The following AGO2 variants were observed in gnomAD, a reference collection of about 807,000 sequenced individuals.
The protein encoded by AGO2 is argonaute RISC catalytic component 2.
A neutral mutation model predicts 102.3 loss-of-function variants in AGO2; 5 were observed. That is an observed-to-expected ratio of 0.05 (90% confidence interval 0.03 to 0.10). AGO2 has a LOEUF of 0.10. Ranked by LOEUF, AGO2 falls within the 10% of genes least tolerant of loss-of-function variation. The pLI is 1.00. For missense variants in AGO2, 541 were observed against 1,183.7 expected (o/e 0.46, Z 7.97); for synonymous variants, 449 against 473.1 (o/e 0.95, Z 0.66).
intron 7 of AGO2, 145 bp downstream of exon 7, chr8:140,558,340 C>CATG (rs1196579474): frequency 2.5e-6 from 2 of 815,122 alleles, no homozygotes; most frequent in Non-Finnish European, 4.1e-6. Flanking sequence ...TCTACTGAGC[C>CATG]ATGTAAGGGA....
Position 140,624,041 on chromosome 8 carries a change from G to A in AGO2, c.22+11444C>T, listed in dbSNP as rs576608411. 3.9e-4 allele frequency among the ~76,000 whole-genome samples: 59 copies of A among 152,232 alleles called. No individual in the cohort carries two copies. In the South Asian group the frequency reaches 0.012, roughly 30 times the overall value. Reference sequence around the variant, plus strand: ...GAGCCCACCATAGGGCGAGATGCACGGGGAGCCAGGAAGGTGCAGGGCGAG... The same window carrying A: ...GAGCCCACCATAGGGCGAGATGCACAGGGAGCCAGGAAGGTGCAGGGCGAG... On this transcript the variant is annotated intron_variant, in intron 1 of 18. Coordinates refer to ENST00000220592, the MANE Select transcript of AGO2 (RefSeq NM_012154.5).
intron 17 of AGO2, among the ~76,000 whole-genome samples, chr8:140,533,190 C>T (rs1187623787): frequency 1.3e-5 from 2 of 149,220 alleles, no homozygotes; most frequent in Admixed American, 6.7e-5. Flanking sequence ...GAGATCGAGA[C>T]CATCCTGGCT....
In AGO2 at chr8:140,521,167, A is replaced by G. The variant is rs1378519559; in HGVS notation, c.*10877T>C. On this transcript the variant is annotated 3_prime_UTR_variant, in exon 19 of 19. Transcript: ENST00000220592. ...GTCCTCTCGTTAGGTTAAAAACACAATGCGTCCTGGGGAGCCAATTGCCCG... is the reference window on the plus strand; with the variant it reads ...GTCCTCTCGTTAGGTTAAAAACACAGTGCGTCCTGGGGAGCCAATTGCCCG... The G allele has an allele frequency of 6.6e-6, 1 of 152,246 alleles. No homozygotes were observed. Among genetic ancestry groups the G allele is most frequent in the East Asian group, 1.9e-4 (1 of 5,200 alleles). 9.4% of individuals were successfully genotyped at this position (152,246 alleles called of 1,614,324 possible).
rs888598730 is a variant in AGO2, at chr8:140,526,921, C to A, written c.*5123G>T. On this transcript the variant is annotated 3_prime_UTR_variant, in exon 19 of 19. Transcript: ENST00000220592. This position sits in a 1 kb window ranked among gnomAD's most constrained non-coding sequence, Gnocchi z 5.2. ...ACACGCTGCTACTCCAGCAAAATAA[C>A]GGGCACAAATGACAGCTTTGACACG... 1.3e-5 allele frequency: 2 copies of A among 152,218 alleles called. No homozygotes were observed. Among genetic ancestry groups the A allele is most frequent in the South Asian group, 4.2e-4 (2 of 4,812 alleles). 9.4% of individuals were successfully genotyped at this position (152,218 alleles called of 1,614,324 possible).
chr8:140,621,605 C>T (rs185531583), intron 1 of AGO2, among the ~76,000 whole-genome samples: 20 of 152,230 alleles, frequency 1.3e-4, no homozygotes, highest in African/African-American at 3.4e-4. Flanking sequence ...ACCTTTATTA[C>T]GTTCATTTAG....
At chr8:140,577,599 G>A (rs376782273) in intron 2 of AGO2, among the ~76,000 whole-genome samples, 8 of 152,338 alleles carry the variant, frequency 5.3e-5, no homozygotes, top group East Asian at 3.9e-4. Context: ...TATTCTTGAG[G>A]AGGAGCAGCT....
chr8:140,553,811 G>T (rs1343814079), intron 10 of AGO2, among the ~76,000 whole-genome samples: 2 of 152,150 alleles, frequency 1.3e-5, no homozygotes, highest in Admixed American at 6.6e-5. Flanking sequence ...TGGTTCTCCT[G>T]CCTCAGTCTC....
At chr8:140,628,378 TGCAG>T (rs1348225068) in intron 1 of AGO2, among the ~76,000 whole-genome samples, 1 of 152,224 alleles carries the variant, frequency 6.6e-6, no homozygotes, top group Non-Finnish European at 1.5e-5. Flanking sequence ...CACGTGGAGC[TGCAG>T]GCACGTGTGT....
At chr8:140,613,941 G>C (rs528711453) in intron 1 of AGO2, among the ~76,000 whole-genome samples, 3 of 147,658 alleles carry the variant, frequency 2.0e-5, no homozygotes, top group African/African-American at 7.5e-5. Flanking sequence ...CTTGAGTGCA[G>C]GAGGTTGAAA....
In AGO2 at chr8:140,541,056, GA is replaced by G. The variant is rs1470643597; in HGVS notation, c.2034+107del. ...GTGTGACCAGATCAGCCTTGGGGCC[GA>G]ATGAGAGCCACATCATTCTTGCCAT... On this transcript the variant is annotated intron_variant, in intron 15 of 18. Transcript: ENST00000220592. The G allele has an allele frequency of 5.4e-6, 7 of 1,303,628 alleles. No individual in the cohort carries two copies. In the East Asian group the frequency reaches 1.8e-4, roughly 33 times the overall value. The allele number at this position is 1,303,628 out of a possible 1,614,324, so 80.8% of individuals were successfully genotyped here. A position where few individuals can be genotyped will look rare whatever the true frequency, so the allele number is the denominator to read the frequency against.
intron 6 of AGO2, among the ~76,000 whole-genome samples, 169 bp from the exon 7 acceptor site, chr8:140,558,741 C>A (rs1267330671): frequency 6.6e-6 from 1 of 152,208 alleles, no homozygotes; most frequent in Non-Finnish European, 1.5e-5. Context: ...GCCACCCCAG[C>A]CGGGTCCGTC....
chr8:140,536,890 T>A (rs1289894602), intron 16 of AGO2, among the ~76,000 whole-genome samples: 1 of 152,176 alleles, frequency 6.6e-6, no homozygotes, highest in Admixed American at 6.5e-5. Context: ...CTTATTCCCA[T>A]CCTTCCTATG....
intron 3 of AGO2, among the ~76,000 whole-genome samples, chr8:140,569,913 G>A (rs775260043): frequency 6.6e-6 from 1 of 152,196 alleles, no homozygotes; most frequent in Non-Finnish European, 1.5e-5. Flanking sequence ...AGCCGCCAGA[G>A]TCCCCACGAG....
chr8:140,640,427 T>C (rs767370226), upstream of AGO2, among the ~76,000 whole-genome samples: 54 of 152,210 alleles, frequency 3.5e-4, no homozygotes, highest in Non-Finnish European at 6.2e-4. Context: ...CCCCTAAATT[T>C]AACTCTGAAT....
In AGO2 at chr8:140,597,482, C is replaced by T. The variant is rs997062268; in HGVS notation, c.23-12171G>A. On this transcript the variant is annotated intron_variant, in intron 1 of 18. Transcript: ENST00000220592. ...GGCTGGGTGGCCCCCCCACCCCCCC[C>T]CCCCCGCCCCAGGCCTCCCTGCCTG... is the stretch of plus-strand genomic sequence containing the variant. Among the ~76,000 whole-genome samples the T allele has an allele frequency of 8.4e-5, 12 of 142,026 alleles. 1 individual carries two copies. Among genetic ancestry groups the T allele is most frequent in the East Asian group, 2.1e-4 (1 of 4,704 alleles). The allele number at this position is 142,026 out of a possible 152,430, so 93.2% of individuals were successfully genotyped here.
At position 140,539,242 on chromosome 8, in the gene AGO2, G is replaced by A. The variant is rs1405015176; in HGVS notation, c.2169+78C>T. ...GGGACAGCGGCACTGTGGCCAGCAGGTTCTCTTGTGAGTGTGCTCGGGGTG... is the reference window on the plus strand; with the variant it reads ...GGGACAGCGGCACTGTGGCCAGCAGATTCTCTTGTGAGTGTGCTCGGGGTG... On this transcript the variant is annotated intron_variant, in intron 16 of 18. Coordinates refer to ENST00000220592, the MANE Select transcript of AGO2 (RefSeq NM_012154.5). The surrounding 1 kb of genome is among the most constrained non-coding windows in gnomAD (Gnocchi z 4.7). The A allele has an allele frequency of 4.7e-6, 7 of 1,479,558 alleles. No homozygotes were observed. The South Asian group carries it at 9.4e-5, about 20-fold the overall frequency. The allele number at this position is 1,479,558 out of a possible 1,614,324, so 91.7% of individuals were successfully genotyped here.
In AGO2 at chr8:140,527,379, T is replaced by A. The variant is rs2132841623; in HGVS notation, c.*4665A>T. On this transcript the variant is annotated 3_prime_UTR_variant, in exon 19 of 19. Coordinates refer to ENST00000220592, the MANE Select transcript of AGO2 (RefSeq NM_012154.5). The surrounding 1 kb of genome is among the most constrained non-coding windows in gnomAD (Gnocchi z 6.0). ...CGTGTTGCATTCATGTCACTTCTCC[T>A]ACCACAAATCTATTTACAATCATCT... The A allele has an allele frequency of 6.5e-6, 1 of 152,714 alleles. No individual in the cohort carries two copies. The highest frequency in any genetic ancestry group is 1.9e-4 in the East Asian group (1 of 5,190). The allele number at this position is 152,714 out of a possible 1,614,324, so 9.5% of individuals were successfully genotyped here.
chr8:140,637,315 C>A (rs4961280), upstream of AGO2: 24,354 of 152,220 alleles, frequency 0.16, 2,457 homozygotes, highest in Admixed American at 0.31. Flanking sequence ...TCACATATCC[C>A]CAAAACTCGT....
rs898762912 is a variant in AGO2 at position 140,523,638 on chromosome 8, A to C, written c.*8406T>G. 2 of 152,204 alleles carry C rather than the reference A, an allele frequency of 1.3e-5. No individual in the cohort carries two copies. The highest frequency in any genetic ancestry group is 2.9e-5 in the Non-Finnish European group (2 of 68,036). The allele number at this position is 152,204 out of a possible 1,614,324, so 9.4% of individuals were successfully genotyped here. A position where few individuals can be genotyped will look rare whatever the true frequency, so the allele number is the denominator to read the frequency against. On this transcript the variant is annotated 3_prime_UTR_variant, in exon 19 of 19. Coordinates refer to ENST00000220592, the MANE Select transcript of AGO2 (RefSeq NM_012154.5). ...CTCTACAGTTATAAAACATGAATTC[A>C]TACCTTTAACAACTACATTAAAATC...
Sources: allele counts gnomAD v4.1 joint callset (sites outside exome capture counted in the v4.1 genomes callset), GRCh38; gene constraint gnomAD v4.1.1; non-coding constraint Gnocchi (gnomAD v3.1); transcripts MANE v1.5; gene names NCBI Gene and HGNC (gene_info 2026-07-23, HGNC 2026-07-21).